Variants in SLC35F1 observed in about 807,000 individuals in gnomAD.
SLC35F1 encodes solute carrier family 35 member F1.
In SLC35F1, 14 loss-of-function variants were observed where a neutral mutation model predicts 48.7. The observed-to-expected ratio is 0.29, with a 90% CI of 0.19 to 0.45. The LOEUF is 0.45. SLC35F1 is among the 20% of genes least tolerant of loss of function. The pLI is 1.00. For synonymous variants in SLC35F1, 190 were observed against 202.2 expected, an observed-to-expected ratio of 0.94 and a Z score of 0.51; for missense variants, 404 against 500.0, an observed-to-expected ratio of 0.81 and a Z score of 1.83.
chr6:118,032,335 G>T (rs1772066369), intron 1 of SLC35F1, among the ~76,000 whole-genome samples: 1 of 152,128 alleles, frequency 6.6e-6, no homozygotes, highest in African/African-American at 2.4e-5. Context: ...GCAAAGCAGA[G>T]ATTTGTCAAT....
intron 1 of SLC35F1, among the ~76,000 whole-genome samples, chr6:117,928,318 A>G (rs1776054923): frequency 6.6e-6 from 1 of 152,164 alleles, no homozygotes; most frequent in African/African-American, 2.4e-5. Flanking sequence ...CACTAGAGAT[A>G]ATGTGTTGCT....
At chr6:118,313,067 G>A (rs970319636) in intron 7 of SLC35F1, among the ~76,000 whole-genome samples, 13 of 152,030 alleles carry the variant, frequency 8.6e-5, no homozygotes, top group Non-Finnish European at 4.4e-5. Context: ...AGTCCTAAAT[G>A]GTAGGCATCA....
intron 3 of SLC35F1, among the ~76,000 whole-genome samples, chr6:118,241,223 G>A (rs1359128064): frequency 6.6e-6 from 1 of 152,162 alleles, no homozygotes; most frequent in Non-Finnish European, 1.5e-5. Flanking sequence ...TAACAAGAGA[G>A]ATTTCATTAA....
intron 1 of SLC35F1, among the ~76,000 whole-genome samples, chr6:118,069,498 G>T (rs1157333153): frequency 2.0e-5 from 3 of 152,070 alleles, no homozygotes; most frequent in Non-Finnish European, 4.4e-5. Context: ...GGCCCCTAAA[G>T]ATAAGATGTT....
At position 118,316,428 on chromosome 6, in the gene SLC35F1, C is replaced by A. The variant is rs1582786255; in HGVS notation, c.*2176C>A. Reference sequence around the variant, plus strand: ...CTCTGAATATTTTGTCCATTCAGATCCGAAGACCTTTAAAGACTGTGGTTT... The same window carrying A: ...CTCTGAATATTTTGTCCATTCAGATACGAAGACCTTTAAAGACTGTGGTTT... On this transcript the variant is annotated 3_prime_UTR_variant, in exon 8 of 8. Coordinates refer to ENST00000360388, the MANE Select transcript of SLC35F1 (RefSeq NM_001029858.4). The A allele has an allele frequency of 1.3e-5, 2 of 152,620 alleles. No homozygotes were observed. The highest frequency in any genetic ancestry group is 4.8e-5 in the African/African-American group (2 of 41,454). 9.5% of individuals were successfully genotyped at this position (152,620 alleles called of 1,614,324 possible).
intron 2 of SLC35F1, among the ~76,000 whole-genome samples, chr6:118,198,723 G>A (rs1245783910): frequency 1.3e-5 from 2 of 152,124 alleles, no homozygotes; most frequent in Admixed American, 1.3e-4. Flanking sequence ...TTACACACCT[G>A]TGTGTGTATA....
intron 1 of SLC35F1, among the ~76,000 whole-genome samples, chr6:118,076,070 CAG>C (rs1207196295): frequency 6.6e-6 from 1 of 151,914 alleles, no homozygotes; most frequent in Non-Finnish European, 1.5e-5. Context: ...AAAAACAAAA[CAG>C]AATTATTTTA....
At chr6:118,140,580 TTA>T (rs1292549763) in intron 1 of SLC35F1, among the ~76,000 whole-genome samples, 3 of 142,546 alleles carry the variant, frequency 2.1e-5, no homozygotes, top group African/African-American at 7.8e-5. Context: ...TTTTAATCTT[TTA>T]GAGTGTATTC....
intron 6 of SLC35F1, among the ~76,000 whole-genome samples, chr6:118,282,822 C>T (rs145982718): frequency 2.0e-5 from 3 of 152,210 alleles, no homozygotes; most frequent in Admixed American, 1.3e-4. Context: ...AGACCACTTC[C>T]CTTCTCCACT....
At chr6:117,947,030 G>A (rs771393764) in intron 1 of SLC35F1, among the ~76,000 whole-genome samples, 1 of 152,170 alleles carries the variant, frequency 6.6e-6, no homozygotes, top group Admixed American at 6.5e-5. Context: ...CAATAATAAG[G>A]TATGTATGTA....
chr6:118,163,983 C>T (rs1029887707), intron 2 of SLC35F1, among the ~76,000 whole-genome samples: 1 of 152,180 alleles, frequency 6.6e-6, no homozygotes, highest in Non-Finnish European at 1.5e-5. Flanking sequence ...ATGAAGCAAA[C>T]AGTTTTTTTT....
chr6:118,186,474 C>G lies in SLC35F1; in HGVS notation c.349+31854C>G, dbSNP rs17079822. 5.9e-3 allele frequency among the ~76,000 whole-genome samples: 897 copies of G among 151,630 alleles called. 14 individuals are homozygous for G. The highest frequency in any genetic ancestry group is 0.02 in the African/African-American group (843 of 41,304). On this transcript the variant is annotated intron_variant, in intron 2 of 7. Coordinates refer to ENST00000360388, the MANE Select transcript of SLC35F1 (RefSeq NM_001029858.4). The stretch of plus-strand genomic sequence containing the variant: ...TTTATGCATTGCCATAGCTGCATGG[C>G]AAAAGCATTTACTCCTTTTGTACTA...
intron 1 of SLC35F1, among the ~76,000 whole-genome samples, chr6:118,131,101 G>A (rs1240323899): frequency 1.3e-5 from 2 of 152,128 alleles, no homozygotes; most frequent in Non-Finnish European, 2.9e-5. Flanking sequence ...CCAAAAGCAT[G>A]CTTTCTCCAA....
intron 6 of SLC35F1, among the ~76,000 whole-genome samples, chr6:118,284,525 A>C (rs530541150): frequency 3.2e-4 from 48 of 152,296 alleles, no homozygotes; most frequent in African/African-American, 1.1e-3. Flanking sequence ...ATGAAAGCCC[A>C]CATGTGAGAG....
intron 1 of SLC35F1, among the ~76,000 whole-genome samples, chr6:117,976,428 A>C (rs1776706438): frequency 1.3e-5 from 2 of 152,204 alleles, no homozygotes; most frequent in Non-Finnish European, 2.9e-5. Flanking sequence ...TATGTGGCAA[A>C]CTCAGTTTTA....
chr6:118,276,828 G>T (rs1449274667), intron 5 of SLC35F1, among the ~76,000 whole-genome samples: 2 of 152,128 alleles, frequency 1.3e-5, no homozygotes, highest in Non-Finnish European at 2.9e-5. Context: ...AATGGAAGTG[G>T]CACTAGGGTG....
intron 1 of SLC35F1, among the ~76,000 whole-genome samples, chr6:117,911,419 C>T (rs1352499645): frequency 7.7e-6 from 1 of 129,892 alleles, no homozygotes; most frequent in Non-Finnish European, 1.6e-5. Context: ...CCCTCCCTCC[C>T]TCCCTCCCTT....
chr6:118,014,227 T>G (rs893092334), intron 1 of SLC35F1, among the ~76,000 whole-genome samples: 2 of 152,186 alleles, frequency 1.3e-5, no homozygotes, highest in African/African-American at 4.8e-5. Flanking sequence ...TAGTGAACAC[T>G]TAGTACATAT....
intron 1 of SLC35F1, among the ~76,000 whole-genome samples, chr6:118,138,634 G>T (rs1439091598): frequency 6.6e-6 from 1 of 151,988 alleles, no homozygotes; most frequent in Non-Finnish European, 1.5e-5. Flanking sequence ...GCTCCAAATA[G>T]TTTAATTAGA....
Sources: gnomAD v4.1 joint callset for allele counts (sites outside exome capture counted in the v4.1 genomes callset) on GRCh38, gnomAD v4.1.1 for gene constraint, MANE v1.5 for transcripts, NCBI Gene and HGNC (gene_info 2026-07-23, HGNC 2026-07-21) for gene names.